CAPRIN1: variants seen among roughly 807,000 people sequenced by gnomAD.
The protein encoded by CAPRIN1 is cell cycle associated protein 1.
CAPRIN1 carries 29 observed loss-of-function variants against 100.9 expected under a neutral mutation model. The observed-to-expected ratio is 0.29, with a 90% confidence interval of 0.21 to 0.39. CAPRIN1 has a LOEUF of 0.39. Ranked by LOEUF, CAPRIN1 falls within the 10% of genes least tolerant of loss-of-function variation. CAPRIN1 has a pLI of 1.00. For missense variants in CAPRIN1, 795 were observed against 876.7 expected (o/e 0.91, Z 1.18); for synonymous variants, 338 against 307.5 (o/e 1.10, Z -1.04).
intron 2 of CAPRIN1, among the ~76,000 whole-genome samples, chr11:34,065,814 T>G (rs547813239): frequency 1.3e-5 from 2 of 152,232 alleles, no homozygotes; most frequent in East Asian, 3.8e-4. Context: ...TGCTGTTTCT[T>G]AGAAACTTTG....
rs767385617 is a variant in CAPRIN1, at chr11:34,090,266, A to G, written c.1381A>G (p.Lys461Glu). 1.1e-5 allele frequency: 17 copies of G among 1,613,502 alleles called. No individual in the cohort carries two copies. The Admixed American group carries it at 1.5e-4, about 14-fold the overall frequency. Residue 461 changes from lysine to glutamate, a missense_variant, in exon 13 of 19, where the codon AAG becomes GAG. By Grantham distance (56) the Lys-to-Glu change is moderately conservative. Coordinates refer to ENST00000341394, the MANE Select transcript of CAPRIN1 (RefSeq NM_005898.5). ...PSHATEQRPQ[K>E]EPIDQIQATI... is the part of the protein sequence containing the mutation. ...TCATGCTACAGAGCAACGACCACAG[A>G]AGGAACCAATTGATCAGATTCAGGC...
rs767419307 is a variant in CAPRIN1 at position 34,052,523 on chromosome 11, G to C, written c.103G>C (p.Ala35Pro). 1 of 1,602,558 alleles carries C rather than the reference G, an allele frequency of 6.2e-7. No homozygotes were observed. Among genetic ancestry groups the C allele is most frequent in the East Asian group, 2.3e-5 (1 of 44,400 alleles). ...GSEAAAGAGA[A>P]APASQHPATG... is the part of the protein sequence containing the mutation. ...TGAGGCGGCCGCGGGAGCCGGGGCC[G>C]CCGCGCCGGCTTCTCAGCACCCCGC... The change falls in exon 2 of 19, where the codon GCC (alanine) becomes CCC (proline). Residue 35 changes from alanine to proline, a missense_variant. This residue lies in a region of CAPRIN1 where 109 missense variants were observed against 86.6 expected (regional missense o/e 1.26). Transcript: ENST00000341394.
chr11:34,061,353 A>G (rs1182422823), intron 2 of CAPRIN1, among the ~76,000 whole-genome samples: 1 of 151,586 alleles, frequency 6.6e-6, no homozygotes, highest in Admixed American at 6.6e-5. Flanking sequence ...ATTATAGGCA[A>G]CCACCACCGC....
chr11:34,066,100 G>C (rs1850686120), intron 2 of CAPRIN1, among the ~76,000 whole-genome samples: 1 of 151,912 alleles, frequency 6.6e-6, no homozygotes, highest in African/African-American at 2.4e-5. Context: ...CCTCCTACCT[G>C]CACCTCCTGG....
chr11:34,052,566 T>G lies in CAPRIN1; in HGVS notation c.146T>G (p.Val49Gly). Residue 49 changes from valine to glycine, a missense_variant, in exon 2 of 19, where the codon GTC becomes GGC. Around this residue, in one of 3 missense-constraint regions of CAPRIN1, gnomAD observed 109 missense variants for 86.6 expected, o/e 1.26. Transcript: ENST00000341394. ...SQHPATGTGA[V>G]QTEAMKQILG... ...CACCCCGCAACCGGCACCGGCGCTG[T>G]CCAGACCGAGGCCATGAAGCAGATT... is the stretch of plus-strand genomic sequence containing the variant. The G allele has an allele frequency of 3.1e-6, 5 of 1,609,886 alleles. No homozygotes were observed. Among genetic ancestry groups the G allele is most frequent in the Non-Finnish European group, 4.2e-6 (5 of 1,178,800 alleles).
In CAPRIN1 at chr11:34,099,461, T is replaced by A; in HGVS notation, c.*94T>A. The A allele has an allele frequency of 9.2e-7, 1 of 1,082,338 alleles. No homozygotes were observed. Among genetic ancestry groups the A allele is most frequent in the South Asian group, 1.3e-5 (1 of 76,996 alleles). 67.0% of individuals were successfully genotyped at this position (1,082,338 alleles called of 1,614,324 possible). On this transcript the variant is annotated 3_prime_UTR_variant, in exon 19 of 19. Coordinates refer to ENST00000341394, the MANE Select transcript of CAPRIN1 (RefSeq NM_005898.5). The stretch of plus-strand genomic sequence containing the variant: ...AGAGTTATTATCTATTTGTTCTCCC[T>A]TTCAGGAAACTTATTGTAAAGGGAC...
intron 15 of CAPRIN1, among the ~76,000 whole-genome samples, chr11:34,094,363 T>TG (rs1191985252): frequency 6.6e-6 from 1 of 152,114 alleles, no homozygotes; most frequent in Non-Finnish European, 1.5e-5. Flanking sequence ...GCCTGATATT[T>TG]GTTGAAGAAA....
At chr11:34,096,712 T>C (rs765288397) in intron 16 of CAPRIN1, 39 bp downstream of exon 16, 9 of 1,458,206 alleles carry the variant, frequency 6.2e-6, no homozygotes, top group Non-Finnish European at 8.4e-6. Flanking sequence ...GACCTTTTAC[T>C]AGTTCAAATT....
At chr11:34,080,984 C>T (rs73501018) in intron 7 of CAPRIN1, among the ~76,000 whole-genome samples, 15,509 of 152,156 alleles carry the variant, frequency 0.1, 845 homozygotes, top group African/African-American at 0.15. Context: ...CTTCATACTA[C>T]TACTTATGAG....
intron 6 of CAPRIN1, among the ~76,000 whole-genome samples, chr11:34,078,116 G>T (rs1850940905): frequency 6.6e-6 from 1 of 152,060 alleles, no homozygotes; most frequent in African/African-American, 2.4e-5. Flanking sequence ...ATAATGGGAA[G>T]GTACTAATAT....
At chr11:34,087,534 T>C (rs4635052) in intron 11 of CAPRIN1, among the ~76,000 whole-genome samples, 140,551 of 141,746 alleles carry the variant, frequency 0.99, 69,715 homozygotes, top group Non-Finnish European at 1. Flanking sequence ...GGGGTTTCAC[T>C]GTTTTAGCCG....
chr11:34,069,864 G>A (rs1185028348), intron 2 of CAPRIN1, among the ~76,000 whole-genome samples: 1 of 144,934 alleles, frequency 6.9e-6, no homozygotes, highest in Non-Finnish European at 1.5e-5. Context: ...GGCTAGGCAA[G>A]TTGACATTTG....
Position 34,079,673 on chromosome 11 carries a change from A to G in CAPRIN1, c.734A>G (p.Tyr245Cys). ...EIVERVFQSN[Y>C]FDSTHNHQNG... ...GTTGAGCGTGTTTTTCAGTCAAACT[A>G]CTTTGACAGCACCCACAACCACCAG... The change falls in exon 7 of 19, where the codon TAC becomes TGC. Residue 245 changes from tyrosine to cysteine, a missense_variant. Tyr to Cys is a radical substitution (Grantham distance 194, BLOSUM62 -2). Transcript: ENST00000341394. 1 of 1,614,046 alleles carries G rather than the reference A, an allele frequency of 6.2e-7. No homozygotes were observed. The highest frequency in any genetic ancestry group is 8.5e-7 in the Non-Finnish European group (1 of 1,179,930).
chr11:34,052,456 C>T lies in CAPRIN1; in HGVS notation c.36C>T (p.Ser12=). Residue 12 remains serine, a synonymous_variant, in exon 2 of 19, where the codon AGC becomes AGT. Transcript: ENST00000341394. ...CCACCAGCCACAGCGGGAGCGGCAGCAAGTCGTCCGGACCGCCACCGCCGT... is the reference window on the plus strand; with the variant it reads ...CCACCAGCCACAGCGGGAGCGGCAGTAAGTCGTCCGGACCGCCACCGCCGT... The part of the protein sequence containing the change: ...PSATSHSGSG[S]KSSGPPPPSG... 6.2e-7 allele frequency: 1 copy of T among 1,607,096 alleles called. No individual in the cohort carries two copies. The highest frequency in any genetic ancestry group is 8.5e-7 in the Non-Finnish European group (1 of 1,178,710).
At chr11:34,056,848 A>G (rs552454792) in intron 2 of CAPRIN1, among the ~76,000 whole-genome samples, 1 of 152,348 alleles carries the variant, frequency 6.6e-6, no homozygotes, top group African/African-American at 2.4e-5. Context: ...CTTGCGTAAA[A>G]TGCAAAAATA....
At chr11:34,052,003 C>T (rs1455010633) in intron 1 of CAPRIN1, 132 bp downstream of exon 1, 2 of 150,852 alleles carry the variant, frequency 1.3e-5, no homozygotes, top group East Asian at 2.0e-4. Context: ...CGGTCATTTC[C>T]CATGCCCTTC....
intron 2 of CAPRIN1, chr11:34,053,144 C>T (rs1850366343): frequency 2.0e-6 from 2 of 988,308 alleles, no homozygotes; most frequent in African/African-American, 1.7e-5. Context: ...GTCGAGCGTC[C>T]CCTCTTCTTC....
rs369775285 is a variant in CAPRIN1, at chr11:34,082,972, C to T, written c.897C>T (p.Phe299=). The T allele has an allele frequency of 6.5e-5, 105 of 1,613,846 alleles. No individual in the cohort carries two copies. The highest frequency in any genetic ancestry group is 8.5e-5 in the Non-Finnish European group (100 of 1,179,890). The change falls in exon 9 of 19, where the codon TTC becomes TTT. Residue 299 remains phenylalanine, a synonymous_variant. Transcript: ENST00000341394. ...CTTTGCAGTATGTAAATAGACAGTT[C>T]ATGGCAGAAACACAGTTCACCAGTG... ...VESTEYVNRQ[F]MAETQFTSGE... is the part of the protein sequence containing the mutation.
At chr11:34,077,433 TG>T (rs1850930087) in intron 6 of CAPRIN1, among the ~76,000 whole-genome samples, 1 of 152,238 alleles carries the variant, frequency 6.6e-6, no homozygotes, top group African/African-American at 2.4e-5. Flanking sequence ...AATTTTTTTC[TG>T]TATTTAAAAT....
Sources: allele counts gnomAD v4.1 joint callset (sites outside exome capture counted in the v4.1 genomes callset), GRCh38; gene constraint gnomAD v4.1.1; regional missense constraint gnomAD v4.1.1; transcripts MANE v1.5; gene names NCBI Gene and HGNC (gene_info 2026-07-23, HGNC 2026-07-21).